The following B3GALT5 variants were observed in gnomAD, a reference collection of about 807,000 sequenced individuals.
The protein encoded by B3GALT5 is UDP-Gal:betaGlcNAc beta 1,3-galactosyltransferase, polypeptide 5.
For missense variants in B3GALT5, 328 were observed against 396.6 expected, an observed-to-expected ratio of 0.83 and a Z score of 1.47; for synonymous variants, 156 against 158.6, an observed-to-expected ratio of 0.98 and a Z score of 0.12.
intron 1 of B3GALT5, among the ~76,000 whole-genome samples, chr21:39,640,318 G>A (rs2079279818): frequency 1.3e-5 from 2 of 152,122 alleles, no homozygotes; most frequent in Admixed American, 1.3e-4. Context: ...TGCGCCTCCT[G>A]TCTTGGTTGG....
chr21:39,628,194 T>C (rs1366530660), intron 1 of B3GALT5, among the ~76,000 whole-genome samples: 1 of 152,140 alleles, frequency 6.6e-6, no homozygotes, highest in African/African-American at 2.4e-5. Context: ...GTAAGTAAAT[T>C]AGGGGAAATG....
chr21:39,652,136 G>GC (rs540650547), intron 2 of B3GALT5, among the ~76,000 whole-genome samples: 9 of 152,136 alleles, frequency 5.9e-5, no homozygotes, highest in South Asian at 2.1e-4. Context: ...AGCAGCAGGT[G>GC]CCCCCCCAAG....
chr21:39,634,989 C>G (rs138072192), intron 1 of B3GALT5, among the ~76,000 whole-genome samples: 1 of 152,276 alleles, frequency 6.6e-6, no homozygotes, highest in African/African-American at 2.4e-5. Context: ...AAATCACCCA[C>G]TTTTTACAAG....
chr21:39,668,569 C>T lies in B3GALT5; in HGVS notation c.*7077C>T, dbSNP rs1345581139. Reference sequence around the variant, plus strand: ...ACGTGCTCAGTGTTAGGCATTTTTTCCCCCTCCTGCTCTGAATCAATGCGA... The same window carrying T: ...ACGTGCTCAGTGTTAGGCATTTTTTTCCCCTCCTGCTCTGAATCAATGCGA... On this transcript the variant is annotated 3_prime_UTR_variant, in exon 4 of 4. Coordinates refer to ENST00000684187, the MANE Select transcript of B3GALT5 (RefSeq NM_001356336.2). The T allele has an allele frequency of 6.6e-6, 1 of 152,050 alleles. No individual in the cohort carries two copies. The highest frequency in any genetic ancestry group is 2.4e-5 in the African/African-American group (1 of 41,412). The allele number at this position is 152,050 out of a possible 1,614,324, so 9.4% of individuals were successfully genotyped here.
chr21:39,670,818 ATTAT>A lies in B3GALT5; in HGVS notation c.*9330_*9333del, dbSNP rs1242644182. 1 of 152,194 alleles carries A rather than the reference ATTAT, an allele frequency of 6.6e-6. No homozygotes were observed. Among genetic ancestry groups the A allele is most frequent in the Non-Finnish European group, 1.5e-5 (1 of 68,032 alleles). The allele number at this position is 152,194 out of a possible 1,614,324, so 9.4% of individuals were successfully genotyped here. A position where few individuals can be genotyped will look rare whatever the true frequency, so the allele number is the denominator to read the frequency against. On this transcript the variant is annotated 3_prime_UTR_variant, in exon 4 of 4. Transcript: ENST00000684187. Reference sequence around the variant, plus strand: ...GTGATATATTAAATCAGGCTTGTTAATTATTTAATCTAACAGCTGCCATGCACCC... The same window carrying A: ...GTGATATATTAAATCAGGCTTGTTAATTAATCTAACAGCTGCCATGCACCC...
intron 1 of B3GALT5, among the ~76,000 whole-genome samples, chr21:39,639,354 C>CTTTT (rs1569212207): frequency 8.7e-4 from 101 of 115,818 alleles, no homozygotes; most frequent in Non-Finnish European, 1.3e-3. Context: ...TTCTTTCCTT[C>CTTTT]CTTCCTTCCT....
At chr21:39,629,345 A>G (rs2079180452) in intron 1 of B3GALT5, among the ~76,000 whole-genome samples, 1 of 152,102 alleles carries the variant, frequency 6.6e-6, no homozygotes, top group Non-Finnish European at 1.5e-5. Flanking sequence ...TATACGTGCC[A>G]TTTCACATGG....
At chr21:39,619,971 C>T (rs1335013480) in intron 1 of B3GALT5, among the ~76,000 whole-genome samples, 1 of 151,966 alleles carries the variant, frequency 6.6e-6, no homozygotes, top group African/African-American at 2.4e-5. Context: ...CCATGTGTGG[C>T]CAATTTTTAT....
intron 1 of B3GALT5, among the ~76,000 whole-genome samples, chr21:39,627,604 A>AT (rs2079171120): frequency 6.7e-6 from 1 of 149,072 alleles, no homozygotes; most frequent in African/African-American, 2.5e-5. Context: ...TTTGCTATTC[A>AT]TTTTTCTGCT....
intron 1 of B3GALT5, among the ~76,000 whole-genome samples, chr21:39,640,408 C>G (rs572748724): frequency 6.6e-6 from 1 of 152,110 alleles, no homozygotes; most frequent in African/African-American, 2.4e-5. Context: ...CCCTCATGCT[C>G]CCTGGTTCAG....
At chr21:39,633,312 A>C (rs1379167581) in intron 1 of B3GALT5, among the ~76,000 whole-genome samples, 1 of 152,182 alleles carries the variant, frequency 6.6e-6, no homozygotes, top group African/African-American at 2.4e-5. Flanking sequence ...GGGAAGAGTC[A>C]GTTTAACTCA....
At chr21:39,639,347 T>TTTCCTTCCTTCC (rs71184690) in intron 1 of B3GALT5, among the ~76,000 whole-genome samples, 106 of 66,766 alleles carry the variant, frequency 1.6e-3, no homozygotes, top group Admixed American at 3.2e-3. Context: ...TCTTTCTTTC[T>TTTCCTTCCTTCC]TTCCTTCCTT....
intron 2 of B3GALT5, among the ~76,000 whole-genome samples, chr21:39,655,149 G>A (rs1762908697): frequency 6.6e-6 from 1 of 152,226 alleles, no homozygotes. Flanking sequence ...TTGAAGGCCT[G>A]AGAACCAGGA....
chr21:39,638,332 G>A (rs1470660519), intron 1 of B3GALT5, among the ~76,000 whole-genome samples: 1 of 152,204 alleles, frequency 6.6e-6, no homozygotes, highest in Non-Finnish European at 1.5e-5. Flanking sequence ...CACATCAGCG[G>A]AGGAACACAT....
chr21:39,614,835 A>G (rs901220383), intron 1 of B3GALT5, among the ~76,000 whole-genome samples: 2 of 152,120 alleles, frequency 1.3e-5, no homozygotes, highest in African/African-American at 4.8e-5. Context: ...TGGGCGTCTG[A>G]TCAGATTTCT....
At chr21:39,631,175 A>G (rs2146191107) in intron 1 of B3GALT5, among the ~76,000 whole-genome samples, 1 of 152,332 alleles carries the variant, frequency 6.6e-6, no homozygotes, top group African/African-American at 2.4e-5. Context: ...ACAAACTGAA[A>G]GCCTTAAATA....
intron 2 of B3GALT5, among the ~76,000 whole-genome samples, chr21:39,650,130 G>A (rs2079381187): frequency 6.6e-6 from 1 of 152,174 alleles, no homozygotes; most frequent in Admixed American, 6.5e-5. Context: ...GGCAGTGGAA[G>A]GGCCTGGGAT....
chr21:39,623,762 G>C (rs1335674467), intron 1 of B3GALT5, among the ~76,000 whole-genome samples: 1 of 152,146 alleles, frequency 6.6e-6, no homozygotes, highest in East Asian at 1.9e-4. Context: ...GACTCACTAT[G>C]ATGTGGAAGA....
intron 2 of B3GALT5, among the ~76,000 whole-genome samples, chr21:39,653,224 A>G (rs1267776441): frequency 1.3e-5 from 2 of 152,234 alleles, no homozygotes; most frequent in South Asian, 2.1e-4. Context: ...TTTTCACTCA[A>G]CATAACATCT....
Sources: allele counts gnomAD v4.1 joint callset (sites outside exome capture counted in the v4.1 genomes callset), GRCh38; gene constraint gnomAD v4.1.1; transcripts MANE v1.5; gene names NCBI Gene and HGNC (gene_info 2026-07-23, HGNC 2026-07-21).